Variants in SIM1 observed in about 807,000 individuals in gnomAD.
SIM1 encodes SIM bHLH transcription factor 1.
Under a neutral mutation model 78.2 loss-of-function variants are expected in SIM1, and 18 were observed. That is an observed-to-expected ratio of 0.23 (90% CI 0.16 to 0.34). The LOEUF is 0.34. Ranked by LOEUF, SIM1 falls within the 10% of genes least tolerant of loss-of-function variation. The probability of loss-of-function intolerance (pLI) is 1.00; values close to 1 mark genes in which losing one functional copy is unlikely to be tolerated. For synonymous variants in SIM1, 417 were observed against 385.2 expected (o/e 1.08, Z -0.97); for missense variants, 939 against 975.1 (o/e 0.96, Z 0.49).
chr6:100,416,540 T>C (rs1283319136), intron 10 of SIM1, among the ~76,000 whole-genome samples: 1 of 152,172 alleles, frequency 6.6e-6, no homozygotes. Flanking sequence ...AGAATTTGCA[T>C]GCCAAAAATA....
intron 6 of SIM1, 62 bp downstream of exon 6, chr6:100,449,301 C>G (rs923522024): frequency 7.1e-7 from 1 of 1,403,256 alleles, no homozygotes; most frequent in South Asian, 1.2e-5. Context: ...CCTCCCACGC[C>G]GCACGCGCCT....
At chr6:100,456,180 G>A (rs1291219975) in intron 2 of SIM1, among the ~76,000 whole-genome samples, 1 of 152,016 alleles carries the variant, frequency 6.6e-6, no homozygotes. Context: ...TCTACCTGCC[G>A]GGCTTTCCCG....
chr6:100,464,547 C>CTCCCT (rs1177666598), intron 1 of SIM1, 67 bp downstream of exon 1: 1 of 152,118 alleles, frequency 6.6e-6, no homozygotes, highest in Non-Finnish European at 1.5e-5. Flanking sequence ...GCGCCGCGGC[C>CTCCCT]TCTCCCACAC....
intron 11 of SIM1, among the ~76,000 whole-genome samples, chr6:100,391,512 T>C (rs1389843572): frequency 6.6e-6 from 1 of 152,228 alleles, no homozygotes; most frequent in Non-Finnish European, 1.5e-5. Context: ...GCTTGAAAAA[T>C]GTTTTTGATT....
rs1771934290 is a variant in SIM1, at chr6:100,432,691, T to C, written c.999-11733A>G. On this transcript the variant is annotated intron_variant, in intron 9 of 11. Coordinates refer to ENST00000369208, the MANE Select transcript of SIM1 (RefSeq NM_005068.3). ...TGCAGGGTTTAGTCTTCAGGATGCT[T>C]CTTTTCTATTAACACATACTCTCTG... 1.3e-5 allele frequency among the ~76,000 whole-genome samples: 2 copies of C among 152,180 alleles called. 1 individual carries two copies. The highest frequency in any genetic ancestry group is 4.2e-4 in the South Asian group (2 of 4,816).
At chr6:100,425,372 T>C (rs901495410) in intron 9 of SIM1, among the ~76,000 whole-genome samples, 9 of 152,206 alleles carry the variant, frequency 5.9e-5, no homozygotes, top group African/African-American at 2.2e-4. Context: ...TATTGCAGTA[T>C]GGCCAGAATA....
At chr6:100,419,626 GTTTGTTTTTGTT>G (rs567024467) in intron 10 of SIM1, among the ~76,000 whole-genome samples, 58 of 152,122 alleles carry the variant, frequency 3.8e-4, no homozygotes, top group Non-Finnish European at 5.2e-4. Context: ...TCAGAAACCA[GTTTGTTTTTGTT>G]TTTGTTTTTG....
At chr6:100,401,568 C>CA (rs950618950) in intron 10 of SIM1, among the ~76,000 whole-genome samples, 10 of 148,294 alleles carry the variant, frequency 6.7e-5, no homozygotes, top group Non-Finnish European at 1.2e-4. Context: ...TAAAATGGTT[C>CA]AAAAAAAATA....
intron 10 of SIM1, among the ~76,000 whole-genome samples, chr6:100,402,547 A>ATTCTT (rs1562235228): frequency 9.5e-6 from 1 of 105,768 alleles, no homozygotes; most frequent in East Asian, 4.8e-4. Context: ...TGGTATTGAC[A>ATTCTT]TTATTTTCTT....
intron 10 of SIM1, among the ~76,000 whole-genome samples, chr6:100,412,679 AAGAAAAAGAAAGAAAGAAAG>A (rs1281924744): frequency 2.5e-5 from 3 of 119,498 alleles, no homozygotes; most frequent in Non-Finnish European, 5.3e-5. Flanking sequence ...GAGAGAAAGA[AAGAAAAAGAAAGAAAGAAAG>A]AAAGAAAGAA....
chr6:100,438,677 C>T (rs924072203), intron 9 of SIM1, among the ~76,000 whole-genome samples: 10 of 152,180 alleles, frequency 6.6e-5, no homozygotes, highest in African/African-American at 2.2e-4. Flanking sequence ...TTTATAGCAG[C>T]CCAATTTGCA....
In SIM1 at chr6:100,432,036, C is replaced by T. The variant is rs530663160; in HGVS notation, c.999-11078G>A. On this transcript the variant is annotated intron_variant, in intron 9 of 11. Transcript: ENST00000369208. ...TGGTGCACATCTGTAATCCTAGCTA[C>T]ATGAGAGGCTGAGGCAGGAAGATTG... is the stretch of plus-strand genomic sequence containing the variant. Among the ~76,000 whole-genome samples the T allele has an allele frequency of 9.9e-5, 15 of 152,270 alleles. No individual in the cohort carries two copies. In the South Asian group the frequency reaches 2.9e-3, roughly 29 times the overall value.
At chr6:100,391,162 C>T in intron 11 of SIM1, 71 bp from the exon 12 acceptor site, 1 of 1,452,350 alleles carries the variant, frequency 6.9e-7, no homozygotes, top group East Asian at 2.4e-5. Flanking sequence ...TTTCCTTTAC[C>T]TATTAAAATA....
intron 10 of SIM1, among the ~76,000 whole-genome samples, chr6:100,403,023 CAATT>C (rs1331328250): frequency 6.6e-6 from 1 of 152,114 alleles, no homozygotes; most frequent in East Asian, 1.9e-4. Context: ...TTATACCAAT[CAATT>C]AAGAAAGTTC....
chr6:100,405,909 A>G (rs1771040445), intron 10 of SIM1, among the ~76,000 whole-genome samples: 2 of 152,200 alleles, frequency 1.3e-5, no homozygotes, highest in African/African-American at 2.4e-5. Context: ...GGAATCTCCT[A>G]TAGGATTCCA....
intron 10 of SIM1, among the ~76,000 whole-genome samples, chr6:100,413,250 C>G (rs1397841586): frequency 6.6e-6 from 1 of 152,200 alleles, no homozygotes; most frequent in Non-Finnish European, 1.5e-5. Context: ...CTGCTTCTTT[C>G]TCCATCTACC....
intron 2 of SIM1, among the ~76,000 whole-genome samples, chr6:100,457,996 GTCTCTCTCTTTCTCTCTCTCTC>G (rs1562064115): frequency 1.3e-4 from 14 of 107,728 alleles, no homozygotes; most frequent in African/African-American, 7.0e-5. Flanking sequence ...ACCGCTGTCT[GTCTCTCTCTTTCTCTCTCTCTC>G]TCTCTCTCTC....
At chr6:100,460,611 A>G (rs1772816034) in intron 2 of SIM1, among the ~76,000 whole-genome samples, 1 of 152,226 alleles carries the variant, frequency 6.6e-6, no homozygotes, top group African/African-American at 2.4e-5. Flanking sequence ...GATGAATTTC[A>G]TCTTCCAACA....
In SIM1 at chr6:100,390,673, C is replaced by G; in HGVS notation, c.1989G>C (p.Ser663=). 1 of 1,614,062 alleles carries G rather than the reference C, an allele frequency of 6.2e-7. No homozygotes were observed. The highest frequency in any genetic ancestry group is 8.5e-7 in the Non-Finnish European group (1 of 1,180,032). Reference sequence around the variant, plus strand: ...TCAAACTGGATTTTGAAATGCGATCCGAATTGGGACTACTTATCCGAGATA... The same window carrying G: ...TCAAACTGGATTTTGAAATGCGATCGGAATTGGGACTACTTATCCGAGATA... ...TALSRISSPN[S]DRISKSSLIL... Residue 663 remains serine (S), a synonymous_variant, in exon 12 of 12, where the codon TCG becomes TCC. Transcript: ENST00000369208.
Sources: allele counts gnomAD v4.1 joint callset (sites outside exome capture counted in the v4.1 genomes callset), GRCh38; gene constraint gnomAD v4.1.1; transcripts MANE v1.5; gene names NCBI Gene and HGNC (gene_info 2026-07-23, HGNC 2026-07-21).